The following WDR70 variants were observed in gnomAD, a reference collection of about 807,000 sequenced individuals.
The protein encoded by WDR70 is WD repeat-containing protein 70.
WDR70 carries 53 observed loss-of-function variants against 88.6 expected under a neutral mutation model. That is an observed-to-expected ratio of 0.60 (90% CI 0.48 to 0.75). The LOEUF (loss-of-function observed/expected upper bound fraction) is 0.75, where lower values mean the gene tolerates loss of function less well. WDR70 is among the 30% of genes least tolerant of loss of function. The pLI is 0.00. For missense variants in WDR70, 610 were observed against 823.2 expected (o/e 0.74, Z 3.17); for synonymous variants, 280 against 270.0 (o/e 1.04, Z -0.36).
At chr5:37,517,241 T>C (rs1327265172) in intron 9 of WDR70, among the ~76,000 whole-genome samples, 1 of 152,204 alleles carries the variant, frequency 6.6e-6, no homozygotes, top group Non-Finnish European at 1.5e-5. Context: ...ATAGCTAACA[T>C]AAGCTTATTG....
At chr5:37,721,534 A>G (rs1001806349) in intron 14 of WDR70, 11 of 269,668 alleles carry the variant, frequency 4.1e-5, no homozygotes, top group Non-Finnish European at 6.4e-5. Context: ...GCAGTGATAC[A>G]TGTAAGAGAT....
intron 7 of WDR70, 35 bp from the exon 8 acceptor site, chr5:37,479,799 A>T: frequency 1.9e-6 from 3 of 1,586,320 alleles, no homozygotes; most frequent in South Asian, 1.1e-5. Flanking sequence ...CATTGTGCTT[A>T]GTATCTTACC....
intron 5 of WDR70, among the ~76,000 whole-genome samples, chr5:37,408,586 A>T (rs1749426794): frequency 6.6e-6 from 1 of 152,212 alleles, no homozygotes; most frequent in Non-Finnish European, 1.5e-5. Flanking sequence ...TTTGGAGGCC[A>T]GGAGTCTACC....
chr5:37,526,071 C>T (rs551925555), intron 9 of WDR70, among the ~76,000 whole-genome samples: 1 of 152,284 alleles, frequency 6.6e-6, no homozygotes, highest in East Asian at 1.9e-4. Context: ...GGAGCTGGTA[C>T]CATTCCTTCT....
chr5:37,487,619 ATATATGTAT>A (rs148872180), intron 8 of WDR70, among the ~76,000 whole-genome samples: 47,165 of 92,142 alleles, frequency 0.51, 9,612 homozygotes, highest in Non-Finnish European at 0.63. Flanking sequence ...ATATATATAT[ATATATGTAT>A]TTTTTTTTTT....
chr5:37,579,529 A>G (rs967828557), intron 9 of WDR70, among the ~76,000 whole-genome samples: 8 of 144,902 alleles, frequency 5.5e-5, no homozygotes, highest in Non-Finnish European at 1.0e-4. Flanking sequence ...GGTTGCAGTG[A>G]GCCGAGATTG....
At chr5:37,726,803 T>A (rs749983660) in intron 16 of WDR70, 80 bp from the exon 17 acceptor site, 1 of 1,377,324 alleles carries the variant, frequency 7.3e-7, no homozygotes, top group African/African-American at 1.5e-5. Context: ...TGTGCTCAGA[T>A]AAGTACAGTG....
At chr5:37,523,033 C>G (rs1188542986) in intron 9 of WDR70, among the ~76,000 whole-genome samples, 1 of 152,230 alleles carries the variant, frequency 6.6e-6, no homozygotes, top group Non-Finnish European at 1.5e-5. Flanking sequence ...CTGCCTGCCT[C>G]TGTAGACTCC....
intron 5 of WDR70, among the ~76,000 whole-genome samples, chr5:37,415,662 C>G (rs999600776): frequency 2.0e-5 from 3 of 149,916 alleles, no homozygotes; most frequent in African/African-American, 7.5e-5. Context: ...GGGCGGGGGG[C>G]TGACCCCCCC....
At chr5:37,679,105 G>A (rs1478743787) in intron 10 of WDR70, among the ~76,000 whole-genome samples, 1 of 151,572 alleles carries the variant, frequency 6.6e-6, no homozygotes, top group Non-Finnish European at 1.5e-5. Context: ...GCACTTCTCT[G>A]TATTGGTTAT....
intron 5 of WDR70, among the ~76,000 whole-genome samples, chr5:37,435,149 T>A (rs1211857355): frequency 6.6e-6 from 1 of 152,236 alleles, no homozygotes; most frequent in Non-Finnish European, 1.5e-5. Context: ...TGTGTCCTTG[T>A]AAATTTTTTT....
At chr5:37,614,154 G>A (rs1396844725) in intron 10 of WDR70, among the ~76,000 whole-genome samples, 1 of 152,152 alleles carries the variant, frequency 6.6e-6, no homozygotes, top group Non-Finnish European at 1.5e-5. Flanking sequence ...TTCCTTTCTG[G>A]AGGCTCCAGG....
chr5:37,626,508 CTT>C (rs1744669649), intron 10 of WDR70, among the ~76,000 whole-genome samples: 1 of 152,098 alleles, frequency 6.6e-6, no homozygotes, highest in South Asian at 2.1e-4. Context: ...TAGAACTCAG[CTT>C]GTTAGTATTT....
chr5:37,562,870 A>T (rs906770302), intron 9 of WDR70, among the ~76,000 whole-genome samples: 18 of 151,924 alleles, frequency 1.2e-4, no homozygotes, highest in African/African-American at 4.1e-4. Flanking sequence ...CATGGCAACC[A>T]TTCGATTTCT....
Position 37,523,578 on chromosome 5 carries a change from C to G in WDR70, c.917+6988C>G, listed in dbSNP as rs546632761. 2.0e-5 allele frequency among the ~76,000 whole-genome samples: 3 copies of G among 152,256 alleles called. No individual in the cohort carries two copies. In the South Asian group the frequency reaches 6.2e-4, roughly 32 times the overall value. On this transcript the variant is annotated intron_variant, in intron 9 of 17. Coordinates refer to ENST00000265107, the MANE Select transcript of WDR70 (RefSeq NM_018034.4). ...AATTCTAAAAATCAGAGCGCCTCTCCCCCTCCAAAGGAATGCAGCTCTTCA... is the reference window on the plus strand; with the variant it reads ...AATTCTAAAAATCAGAGCGCCTCTCGCCCTCCAAAGGAATGCAGCTCTTCA...
chr5:37,467,115 TACTTGGGAGG>T, intron 7 of WDR70, among the ~76,000 whole-genome samples: 1 of 150,642 alleles, frequency 6.6e-6, no homozygotes, highest in Non-Finnish European at 1.5e-5. Flanking sequence ...TAGTCTGAGC[TACTTGGGAGG>T]TTGAGGTGGG....
intron 8 of WDR70, chr5:37,506,299 C>T: frequency 3.2e-6 from 3 of 938,760 alleles, no homozygotes; most frequent in South Asian, 2.6e-5. Context: ...TTCTTTATTG[C>T]CACTTCTAGG....
chr5:37,601,177 T>G (rs559466292), intron 9 of WDR70, among the ~76,000 whole-genome samples: 19 of 152,334 alleles, frequency 1.2e-4, no homozygotes, highest in Middle Eastern at 3.4e-3. Context: ...ATATGGCCTT[T>G]AATAATGTTG....
intron 5 of WDR70, among the ~76,000 whole-genome samples, chr5:37,429,300 G>C (rs2112017000): frequency 6.6e-6 from 1 of 152,244 alleles, no homozygotes; most frequent in Non-Finnish European, 1.5e-5. Flanking sequence ...TGTCCAGTCT[G>C]AGTCTGCCTT....
Sources: gnomAD v4.1 joint callset for allele counts (sites outside exome capture counted in the v4.1 genomes callset) on GRCh38, gnomAD v4.1.1 for gene constraint, MANE v1.5 for transcripts, NCBI Gene and HGNC (gene_info 2026-07-23, HGNC 2026-07-21) for gene names.